Variants in SPECC1L observed in about 807,000 individuals in gnomAD.
SPECC1L encodes cytospin-A.
A neutral mutation model predicts 116.8 loss-of-function variants in SPECC1L; 40 were observed. The ratio of observed to expected loss-of-function variants is 0.34; its 90% CI spans 0.27 to 0.45. The LOEUF (loss-of-function observed/expected upper bound fraction) is 0.45. Ranked by LOEUF, SPECC1L falls within the 20% of genes least tolerant of loss-of-function variation. The pLI, the probability that SPECC1L is intolerant of heterozygous loss-of-function variation, is 1.00. For missense variants in SPECC1L, 1,110 were observed against 1,373.6 expected (o/e 0.81, Z 3.03); for synonymous variants, 504 against 500.6 (o/e 1.01, Z -0.09).
intron 2 of SPECC1L, among the ~76,000 whole-genome samples, chr22:24,293,357 G>A (rs1250077409): frequency 2.6e-5 from 4 of 152,180 alleles, no homozygotes; most frequent in Non-Finnish European, 4.4e-5. Flanking sequence ...GGAGGCTGAG[G>A]CAGGAGAATT....
chr22:24,284,662 C>T (rs2049008272), intron 2 of SPECC1L, among the ~76,000 whole-genome samples: 1 of 152,140 alleles, frequency 6.6e-6, no homozygotes, highest in Non-Finnish European at 1.5e-5. Context: ...GTCTCGATCT[C>T]CTGACCTCGT....
chr22:24,282,479 C>G (rs1391153826), intron 2 of SPECC1L, among the ~76,000 whole-genome samples: 1 of 152,210 alleles, frequency 6.6e-6, no homozygotes, highest in African/African-American at 2.4e-5. Flanking sequence ...AGATCTCTCA[C>G]TGTCTCAGTC....
intron 10 of SPECC1L, among the ~76,000 whole-genome samples, chr22:24,340,827 C>T (rs1410433400): frequency 6.6e-6 from 1 of 152,122 alleles, no homozygotes; most frequent in Non-Finnish European, 1.5e-5. Flanking sequence ...GGGGCCTAAG[C>T]TTGGGATTGT....
intron 14 of SPECC1L, among the ~76,000 whole-genome samples, chr22:24,389,249 T>C (rs543795346): frequency 5.3e-5 from 8 of 151,902 alleles, no homozygotes; most frequent in Admixed American, 4.6e-4. Flanking sequence ...CCCAAGTAGC[T>C]GGGATTACAG....
intron 4 of SPECC1L, among the ~76,000 whole-genome samples, chr22:24,317,305 C>T (rs1368253570): frequency 1.8e-4 from 18 of 98,712 alleles, no homozygotes; most frequent in South Asian, 6.9e-4. Context: ...GCTGGCCAGG[C>T]GGGGGGCTGA....
At chr22:24,273,781 A>T (rs1361540894) in intron 1 of SPECC1L, among the ~76,000 whole-genome samples, 1 of 152,048 alleles carries the variant, frequency 6.6e-6, no homozygotes. Flanking sequence ...TGTTTTTGAG[A>T]CAGTTTCGCT....
Position 24,324,337 on chromosome 22 carries a change from A to T in SPECC1L, c.2056A>T (p.Met686Leu). Reference protein sequence around the residue: ...LDEKETERSDMKETIFELEDE... With the variant: ...LDEKETERSDLKETIFELEDE... ...TGAAAAAGAAACAGAAAGGAGTGAC[A>T]TGAAAGAAACCATCTTTGAACTTGA... Residue 686 changes from methionine to leucine, a missense_variant, in exon 6 of 17, where the codon ATG (methionine) becomes TTG (leucine). Around this residue, in one of 4 missense-constraint regions of SPECC1L, gnomAD observed 575 missense variants for 682.4 expected, o/e 0.84. Coordinates refer to ENST00000314328, the MANE Select transcript of SPECC1L (RefSeq NM_015330.6). 3.7e-6 allele frequency: 6 copies of T among 1,614,164 alleles called. No individual in the cohort carries two copies. Among genetic ancestry groups the T allele is most frequent in the Non-Finnish European group, 1.7e-6 (2 of 1,179,974 alleles).
chr22:24,335,876 TA>T (rs2041043910), intron 9 of SPECC1L, among the ~76,000 whole-genome samples: 1 of 152,056 alleles, frequency 6.6e-6, no homozygotes, highest in South Asian at 2.1e-4. Context: ...TAATATAAGA[TA>T]GTGTTATGTA....
intron 14 of SPECC1L, among the ~76,000 whole-genome samples, chr22:24,376,490 T>C (rs2041974082): frequency 1.3e-5 from 2 of 152,180 alleles, no homozygotes; most frequent in African/African-American, 4.8e-5. Context: ...ATAAACTATT[T>C]AGGAATAAAT....
intron 2 of SPECC1L, among the ~76,000 whole-genome samples, chr22:24,290,294 G>C (rs2049133100): frequency 6.6e-6 from 1 of 152,180 alleles, no homozygotes; most frequent in Non-Finnish European, 1.5e-5. Flanking sequence ...AGTGGGGAGA[G>C]GACATAGAGT....
At chr22:24,389,802 T>TA (rs957258675) in intron 14 of SPECC1L, among the ~76,000 whole-genome samples, 3 of 152,286 alleles carry the variant, frequency 2.0e-5, no homozygotes, top group Non-Finnish European at 2.9e-5. Context: ...AAGTGCTCTT[T>TA]ATAAATTGTA....
intron 4 of SPECC1L, among the ~76,000 whole-genome samples, chr22:24,317,604 CG>C (rs1429791382): frequency 6.9e-6 from 1 of 144,990 alleles, no homozygotes; most frequent in African/African-American, 2.6e-5. Flanking sequence ...GCTGGCCGGG[CG>C]GGGGGCTGAT....
intron 11 of SPECC1L, among the ~76,000 whole-genome samples, chr22:24,357,462 G>A (rs897036290): frequency 2.6e-5 from 4 of 152,128 alleles, no homozygotes; most frequent in East Asian, 1.9e-4. Context: ...TCCAACATCC[G>A]TACCATTTGG....
chr22:24,326,134 G>A (rs1347395457), intron 6 of SPECC1L, among the ~76,000 whole-genome samples: 2 of 152,096 alleles, frequency 1.3e-5, no homozygotes, highest in Non-Finnish European at 1.5e-5. Flanking sequence ...TTTATTTTTA[G>A]TAGAGACAGG....
intron 16 of SPECC1L, among the ~76,000 whole-genome samples, chr22:24,413,909 T>TCAG (rs2042751582): frequency 6.6e-6 from 1 of 152,154 alleles, no homozygotes; most frequent in Non-Finnish European, 1.5e-5. Flanking sequence ...CCCCGAGCCT[T>TCAG]CAGCAGCAGC....
rs1247525118 is a variant in SPECC1L at position 24,323,001 on chromosome 22, GT to G, written c.1938+86del. The G allele has an allele frequency of 3.2e-6, 5 of 1,564,118 alleles. No individual in the cohort carries two copies. In the African/African-American group the frequency reaches 6.8e-5, roughly 21 times the overall value. On this transcript the variant is annotated intron_variant, in intron 5 of 16. Coordinates refer to ENST00000314328, the MANE Select transcript of SPECC1L (RefSeq NM_015330.6). ...TGTTTACTGAGAACCTGGGTTACTGGTTTGGTTTGGTGTGTTATTAGCTTTT... is the reference window on the plus strand; with the variant it reads ...TGTTTACTGAGAACCTGGGTTACTGGTTGGTTTGGTGTGTTATTAGCTTTT...
chr22:24,370,037 C>G (rs1042204733), intron 14 of SPECC1L, among the ~76,000 whole-genome samples: 4 of 152,168 alleles, frequency 2.6e-5, no homozygotes, highest in African/African-American at 9.7e-5. Flanking sequence ...AAGTACAACA[C>G]AAAAAGGGAA....
intron 2 of SPECC1L, among the ~76,000 whole-genome samples, chr22:24,291,541 C>T (rs555673188): frequency 3.0e-4 from 45 of 152,224 alleles, no homozygotes; most frequent in South Asian, 2.3e-3. Flanking sequence ...TTAGTCATTC[C>T]TTATAAAGGG....
At chr22:24,340,759 T>C (rs2041162002) in intron 10 of SPECC1L, among the ~76,000 whole-genome samples, 1 of 151,622 alleles carries the variant, frequency 6.6e-6, no homozygotes, top group Non-Finnish European at 1.5e-5. Context: ...ATGTGGAGAG[T>C]TTTTAAACAG....
Sources: allele counts gnomAD v4.1 joint callset (sites outside exome capture counted in the v4.1 genomes callset), GRCh38; gene constraint gnomAD v4.1.1; regional missense constraint gnomAD v4.1.1; transcripts MANE v1.5; gene names NCBI Gene and HGNC (gene_info 2026-07-23, HGNC 2026-07-21).